Variants in RBM44 observed in about 807,000 individuals in gnomAD.
RBM44 encodes RNA binding motif protein 44.
In RBM44, 66 loss-of-function variants were observed where a neutral mutation model predicts 105.1. The observed-to-expected ratio is 0.63, with a 90% CI of 0.52 to 0.77. The LOEUF (loss-of-function observed/expected upper bound fraction) is 0.77, where lower values mean the gene tolerates loss of function less well. Among genes scored for constraint, RBM44 ranks in the 30% least tolerant of loss-of-function variants. RBM44 has a pLI of 0.00. For missense variants in RBM44, 1,122 were observed against 1,207.8 expected, an observed-to-expected ratio of 0.93 and a Z score of 1.05; for synonymous variants, 365 against 417.6, an observed-to-expected ratio of 0.87 and a Z score of 1.54.
intron 15 of RBM44, among the ~76,000 whole-genome samples, chr2:237,837,773 T>C (rs2061974373): frequency 6.7e-6 from 1 of 149,298 alleles, no homozygotes; most frequent in Non-Finnish European, 1.5e-5. Context: ...CCTCCCAAAG[T>C]GCTGGAATTA....
intron 2 of RBM44, among the ~76,000 whole-genome samples, chr2:237,816,524 C>G (rs2061718536): frequency 6.6e-6 from 1 of 152,056 alleles, no homozygotes; most frequent in African/African-American, 2.4e-5. Flanking sequence ...TAACAAAATA[C>G]CATATAGTGA....
intron 7 of RBM44, 117 bp downstream of exon 7, chr2:237,821,485 G>A: frequency 1.2e-6 from 1 of 849,422 alleles, no homozygotes. Flanking sequence ...TTTTAATGAA[G>A]TGTTTATCTT....
At chr2:237,836,853 T>G (rs1381304766) in intron 15 of RBM44, among the ~76,000 whole-genome samples, 1 of 151,778 alleles carries the variant, frequency 6.6e-6, no homozygotes, top group Non-Finnish European at 1.5e-5. Context: ...TGGTCTCATA[T>G]TCCTGGCCTT....
intron 8 of RBM44, among the ~76,000 whole-genome samples, chr2:237,822,214 G>T (rs751530449): frequency 6.6e-6 from 1 of 152,056 alleles, no homozygotes; most frequent in Non-Finnish European, 1.5e-5. Flanking sequence ...ATGAGGTAAA[G>T]TAATAATTCA....
At chr2:237,800,649 G>A (rs2061535915) in intron 1 of RBM44, among the ~76,000 whole-genome samples, 1 of 151,000 alleles carries the variant, frequency 6.6e-6, no homozygotes, top group African/African-American at 2.4e-5. Flanking sequence ...ATTTGAAAAT[G>A]TTGCTTTAAT....
chr2:237,818,234 A>G lies in RBM44; in HGVS notation c.1315A>G (p.Lys439Glu). Residue 439 changes from lysine (K) to glutamate (E), a missense_variant, in exon 3 of 16, where the codon AAG becomes GAG. Lys to Glu is a moderately conservative substitution (Grantham distance 56). Around this residue, in one of 3 missense-constraint regions of RBM44, gnomAD observed 918 missense variants for 955.3 expected, o/e 0.96. Coordinates refer to ENST00000316997, the MANE Select transcript of RBM44 (RefSeq NM_001080504.3). This position sits in a 1 kb window ranked among gnomAD's most constrained non-coding sequence, Gnocchi z 4.6. Reference sequence around the variant, plus strand: ...AAAAGTTGCTCATAGCAGTACCACAAAGAAAACATGCTTTCACAATATAGG... The same window carrying G: ...AAAAGTTGCTCATAGCAGTACCACAGAGAAAACATGCTTTCACAATATAGG... ...SLKVAHSSTTKKTCFHNIGEM... is the reference protein window; with the variant it reads ...SLKVAHSSTTEKTCFHNIGEM... The G allele has an allele frequency of 6.2e-7, 1 of 1,613,238 alleles. No individual in the cohort carries two copies. The highest frequency in any genetic ancestry group is 8.5e-7 in the Non-Finnish European group (1 of 1,179,504).
Position 237,818,829 on chromosome 2 carries a change from G to A in RBM44, c.1678-72G>A. 2.2e-6 allele frequency: 2 copies of A among 890,804 alleles called. No homozygotes were observed. The highest frequency in any genetic ancestry group is 3.5e-5 in the South Asian group (2 of 57,634). The allele number at this position is 890,804 out of a possible 1,614,324, so 55.2% of individuals were successfully genotyped here. ...CCTCCCACAAAATCCATTAGAAATT[G>A]AATTGTACATTTTATTAGTTTGGAA... On this transcript the variant is annotated intron_variant, in intron 3 of 15. Coordinates refer to ENST00000316997, the MANE Select transcript of RBM44 (RefSeq NM_001080504.3). The surrounding 1 kb of genome is among the most constrained non-coding windows in gnomAD (Gnocchi z 4.6).
chr2:237,821,870 A>G (rs757207851), intron 8 of RBM44, 43 bp downstream of exon 8: 7 of 1,297,252 alleles, frequency 5.4e-6, no homozygotes, highest in South Asian at 3.7e-5. Context: ...CTTTAAGTGT[A>G]TGGTTTACGT....
chr2:237,818,080 T>C lies in RBM44; in HGVS notation c.1161T>C (p.Asp387=). Residue 387 remains aspartate, a synonymous_variant, in exon 3 of 16, where the codon GAT becomes GAC. Transcript: ENST00000316997. The surrounding 1 kb of genome is among the most constrained non-coding windows in gnomAD (Gnocchi z 4.6). ...CTTCCTGGACCTCTGTTTTTGATGA[T>C]TCGATAATTTCTGCCTGTGGATATT... ...CQTSWTSVFD[D]SIISACGYYE... 1.2e-6 allele frequency: 2 copies of C among 1,612,832 alleles called. No homozygotes were observed. The highest frequency in any genetic ancestry group is 1.7e-6 in the Non-Finnish European group (2 of 1,179,450).
Position 237,817,293 on chromosome 2 carries a change from G to T in RBM44, c.374G>T (p.Ser125Ile), listed in dbSNP as rs189809579. 3 of 1,605,866 alleles carry T rather than the reference G, an allele frequency of 1.9e-6. No individual in the cohort carries two copies. In the African/African-American group the frequency reaches 4.0e-5, roughly 22 times the overall value. ...TCAGAGTCAAAACTAAAGAAGGAAA[G>T]TCTTACTCCTTTAAGTTCAGAATTA... ...PYSESKLKKESLTPLSSELDP... is the reference protein window; with the variant it reads ...PYSESKLKKEILTPLSSELDP... Residue 125 changes from serine to isoleucine, a missense_variant, in exon 3 of 16, where the codon AGT becomes ATT. By Grantham distance (142) the Ser-to-Ile change is moderately radical (BLOSUM62 -2). Coordinates refer to ENST00000316997, the MANE Select transcript of RBM44 (RefSeq NM_001080504.3).
chr2:237,822,291 C>G (rs1009396598), intron 8 of RBM44, among the ~76,000 whole-genome samples: 4 of 151,986 alleles, frequency 2.6e-5, no homozygotes, highest in Non-Finnish European at 4.4e-5. Context: ...TTTTTAAATG[C>G]CTGTCATAGG....
intron 10 of RBM44, 26 bp downstream of exon 10, chr2:237,824,445 A>C: frequency 3.7e-6 from 6 of 1,600,454 alleles, no homozygotes; most frequent in Non-Finnish European, 5.1e-6. Flanking sequence ...TTTACCGAGA[A>C]ATCCTAACCT....
rs188723077 is a variant in RBM44, at chr2:237,842,490, A to T, written c.*674A>T. 6.6e-6 allele frequency: 1 copy of T among 152,084 alleles called. No individual in the cohort carries two copies. The highest frequency in any genetic ancestry group is 2.1e-4 in the South Asian group (1 of 4,834). 9.4% of individuals were successfully genotyped at this position (152,084 alleles called of 1,614,324 possible). The stretch of plus-strand genomic sequence containing the variant: ...GCTTTGGTAAAGTACTTAAATTCCA[A>T]TGTTCCCTATAGTGCTTGCATTCAT... On this transcript the variant is annotated 3_prime_UTR_variant, in exon 16 of 16. Transcript: ENST00000316997.
At chr2:237,832,084 T>C (rs556492404) in intron 13 of RBM44, among the ~76,000 whole-genome samples, 5 of 152,288 alleles carry the variant, frequency 3.3e-5, no homozygotes, top group South Asian at 2.1e-4. Flanking sequence ...TTTTGCTTGA[T>C]TCTAACTCTG....
At chr2:237,839,758 G>A (rs1306535505) in intron 15 of RBM44, among the ~76,000 whole-genome samples, 1 of 152,068 alleles carries the variant, frequency 6.6e-6, no homozygotes, top group Non-Finnish European at 1.5e-5. Flanking sequence ...GACAACAAAA[G>A]CATGGACAAC....
At chr2:237,829,979 G>C (rs2061888014) in intron 13 of RBM44, among the ~76,000 whole-genome samples, 1 of 151,884 alleles carries the variant, frequency 6.6e-6, no homozygotes, top group African/African-American at 2.4e-5. Context: ...GAGTCCCATA[G>C]GCATTCCACA....
intron 1 of RBM44, among the ~76,000 whole-genome samples, chr2:237,810,076 T>C (rs1199572391): frequency 6.6e-6 from 1 of 152,230 alleles, no homozygotes; most frequent in Non-Finnish European, 1.5e-5. Context: ...TTTAACACAG[T>C]ATATAAAAAA....
At chr2:237,802,687 A>T (rs1259018894) in intron 1 of RBM44, among the ~76,000 whole-genome samples, 2 of 152,206 alleles carry the variant, frequency 1.3e-5, no homozygotes, top group Non-Finnish European at 2.9e-5. Context: ...GTTGTGCTTC[A>T]TAGAGCCAGT....
At chr2:237,816,853 A>C (rs559726813) in intron 2 of RBM44, 140 bp from the exon 3 acceptor site, 238 of 564,576 alleles carry the variant, frequency 4.2e-4, no homozygotes, top group Non-Finnish European at 6.5e-4. Context: ...TTTAGCTGCT[A>C]CTGAAAGGGA....
Sources: gnomAD v4.1 joint callset for allele counts (sites outside exome capture counted in the v4.1 genomes callset) on GRCh38, gnomAD v4.1.1 for gene constraint, gnomAD v4.1.1 regional missense constraint, Gnocchi (gnomAD v3.1) non-coding constraint, MANE v1.5 for transcripts, NCBI Gene and HGNC (gene_info 2026-07-23, HGNC 2026-07-21) for gene names.